The following SMOC2 variants were observed in gnomAD, a reference collection of about 807,000 sequenced individuals.
The protein encoded by SMOC2 is SPARC-related modular calcium-binding protein 2.
In SMOC2, 39 loss-of-function variants were observed where a neutral mutation model predicts 61.4. The ratio of observed to expected loss-of-function variants is 0.64; its 90% CI spans 0.49 to 0.83. The LOEUF is 0.83. Among genes scored for constraint, SMOC2 ranks in the 40% least tolerant of loss-of-function variants. The pLI is 0.00. For synonymous variants in SMOC2, 247 were observed against 239.9 expected (o/e 1.03, Z -0.27); for missense variants, 556 against 592.9 (o/e 0.94, Z 0.65).
At chr6:168,639,718 A>C (rs969854562) in intron 9 of SMOC2, among the ~76,000 whole-genome samples, 31 of 149,852 alleles carry the variant, frequency 2.1e-4, no homozygotes, top group African/African-American at 6.8e-4. Context: ...CAGGTGGACC[A>C]GAGTCCGCCA....
chr6:168,466,954 C>T (rs1290309604), intron 1 of SMOC2, among the ~76,000 whole-genome samples: 1 of 152,168 alleles, frequency 6.6e-6, no homozygotes, highest in Non-Finnish European at 1.5e-5. Flanking sequence ...GAGCTCTGCC[C>T]ACAGGATGCT....
intron 9 of SMOC2, among the ~76,000 whole-genome samples, chr6:168,644,684 C>T (rs1786979843): frequency 7.7e-6 from 1 of 129,518 alleles, no homozygotes; most frequent in African/African-American, 2.9e-5. Context: ...GAGTCTCGCT[C>T]TGTCTCCCAG....
intron 1 of SMOC2, among the ~76,000 whole-genome samples, chr6:168,442,905 T>C (rs1159896146): frequency 6.6e-6 from 1 of 152,240 alleles, no homozygotes; most frequent in Non-Finnish European, 1.5e-5. Flanking sequence ...AGGCTTTCCC[T>C]GAAGATCCTT....
chr6:168,609,010 T>C (rs1038157677), intron 9 of SMOC2, among the ~76,000 whole-genome samples: 1 of 152,200 alleles, frequency 6.6e-6, no homozygotes, highest in Non-Finnish European at 1.5e-5. Flanking sequence ...TGTACTGTCA[T>C]TGGTAGAAAG....
At chr6:168,493,923 G>T (rs1313973250) in intron 1 of SMOC2, among the ~76,000 whole-genome samples, 1 of 152,120 alleles carries the variant, frequency 6.6e-6, no homozygotes, top group East Asian at 1.9e-4. Context: ...TTCCAGAGGA[G>T]TTGTTCTTCA....
At chr6:168,462,340 GGTT>G (rs1309814504) in intron 1 of SMOC2, among the ~76,000 whole-genome samples, 2 of 152,162 alleles carry the variant, frequency 1.3e-5, no homozygotes, top group Non-Finnish European at 2.9e-5. Context: ...GCTGCAATGA[GGTT>G]GTAAACATGT....
chr6:168,490,839 G>A (rs1288047140), intron 1 of SMOC2, among the ~76,000 whole-genome samples: 7 of 152,186 alleles, frequency 4.6e-5, no homozygotes, highest in Admixed American at 3.9e-4. Context: ...TTGGATTCCC[G>A]CTCAGCACTG....
Position 168,598,926 on chromosome 6 carries a change from T to G in SMOC2, c.746T>G (p.Val249Gly). The G allele has an allele frequency of 6.2e-7, 1 of 1,613,744 alleles. No individual in the cohort carries two copies. Reference sequence around the variant, plus strand: ...GCGCACGGCGGCCTCTACAAGCCAGTGCAGTGCCACCCCTCCACGGGGTAC... The same window carrying G: ...GCGCACGGCGGCCTCTACAAGCCAGGGCAGTGCCACCCCTCCACGGGGTAC... ...ECAHGGLYKP[V>G]QCHPSTGYCW... The change falls in exon 8 of 13, where the codon GTG becomes GGG. Residue 249 changes from valine to glycine, a missense_variant. Coordinates refer to ENST00000356284, the MANE Select transcript of SMOC2 (RefSeq NM_001166412.2).
At chr6:168,556,208 G>A (rs1407358557) in intron 7 of SMOC2, among the ~76,000 whole-genome samples, 1 of 152,186 alleles carries the variant, frequency 6.6e-6, no homozygotes, top group Non-Finnish European at 1.5e-5. Flanking sequence ...CTCCGAGGGC[G>A]TCCGTGGCCT....
intron 7 of SMOC2, among the ~76,000 whole-genome samples, chr6:168,562,588 C>G (rs1310922740): frequency 6.6e-6 from 1 of 152,118 alleles, no homozygotes; most frequent in African/African-American, 2.4e-5. Flanking sequence ...TGCAAACGTT[C>G]ACCCAAACAA....
At chr6:168,601,348 A>T (rs1379916811) in intron 8 of SMOC2, among the ~76,000 whole-genome samples, 1 of 152,166 alleles carries the variant, frequency 6.6e-6, no homozygotes, top group Non-Finnish European at 1.5e-5. Flanking sequence ...CCTGCTCTCG[A>T]CACCCCACTC....
At chr6:168,485,517 C>T (rs1419077461) in intron 1 of SMOC2, among the ~76,000 whole-genome samples, 1 of 152,290 alleles carries the variant, frequency 6.6e-6, no homozygotes, top group South Asian at 2.1e-4. Context: ...TGTTGATACA[C>T]ACTACAACAA....
At chr6:168,443,876 TTTCATAATC>T (rs1428908867) in intron 1 of SMOC2, among the ~76,000 whole-genome samples, 1 of 152,216 alleles carries the variant, frequency 6.6e-6, no homozygotes, top group African/African-American at 2.4e-5. Flanking sequence ...AGTTACTTAA[TTTCATAATC>T]TTCAGTCCCC....
chr6:168,580,748 G>C (rs1033584011), intron 7 of SMOC2, among the ~76,000 whole-genome samples: 9 of 152,028 alleles, frequency 5.9e-5, no homozygotes, highest in Non-Finnish European at 1.3e-4. Flanking sequence ...TTAGTATGTT[G>C]CCCAGGCTGG....
chr6:168,553,585 TAACA>T lies in SMOC2; in HGVS notation c.637+4387_637+4390del, dbSNP rs768714122. Among the ~76,000 whole-genome samples, 87 of 152,308 alleles carry T rather than the reference TAACA, an allele frequency of 5.7e-4. No individual in the cohort carries two copies. The highest frequency in any genetic ancestry group is 4.7e-4 in the Non-Finnish European group (32 of 68,040). On this transcript the variant is annotated intron_variant, in intron 7 of 12. Transcript: ENST00000356284. This position sits in a 1 kb window ranked among gnomAD's most constrained non-coding sequence, Gnocchi z 4.2. ...GCCAGCTACTAACATCTTCACAAAA[TAACA>T]AACACTCTTCATGAATTACCAACAC...
At chr6:168,589,739 G>T (rs28664112) in intron 7 of SMOC2, among the ~76,000 whole-genome samples, 6 of 107,900 alleles carry the variant, frequency 5.6e-5, no homozygotes, top group East Asian at 2.7e-4. Context: ...CGGCCTGGTG[G>T]TGGTCAGGTG....
intron 9 of SMOC2, among the ~76,000 whole-genome samples, chr6:168,621,202 G>T (rs1015550213): frequency 1.3e-5 from 2 of 152,178 alleles, no homozygotes; most frequent in African/African-American, 4.8e-5. Flanking sequence ...GAGATAAATT[G>T]TTCAAGTGTA....
At chr6:168,599,482 A>C (rs1228473387) in intron 8 of SMOC2, among the ~76,000 whole-genome samples, 16 of 68,694 alleles carry the variant, frequency 2.3e-4, no homozygotes, top group East Asian at 5.0e-4. Flanking sequence ...CCCACACACA[A>C]TCATACCCCA....
chr6:168,622,918 C>T (rs1352286376), intron 9 of SMOC2, among the ~76,000 whole-genome samples: 1 of 152,156 alleles, frequency 6.6e-6, no homozygotes, highest in Non-Finnish European at 1.5e-5. Flanking sequence ...TGTAGAAAGC[C>T]GGATGTACTC....
Sources: gnomAD v4.1 joint callset for allele counts (sites outside exome capture counted in the v4.1 genomes callset) on GRCh38, gnomAD v4.1.1 for gene constraint, Gnocchi (gnomAD v3.1) non-coding constraint, MANE v1.5 for transcripts, NCBI Gene and HGNC (gene_info 2026-07-23, HGNC 2026-07-21) for gene names.